KCNIP3: variants seen among roughly 807,000 people sequenced by gnomAD.
The protein encoded by KCNIP3 is calsenilin.
A neutral mutation model predicts 35.0 loss-of-function variants in KCNIP3; 28 were observed. The ratio of observed to expected loss-of-function variants is 0.80; its 90% CI spans 0.59 to 1.10. The LOEUF (loss-of-function observed/expected upper bound fraction) is 1.10. KCNIP3 is among the 50% of genes least tolerant of loss of function. The probability of loss-of-function intolerance (pLI) is 0.00; values close to 1 mark genes in which losing one functional copy is unlikely to be tolerated. For missense variants in KCNIP3, 295 were observed against 338.4 expected (o/e 0.87, Z 1.01); for synonymous variants, 134 against 133.8 (o/e 1.00, Z -0.01).
At chr2:95,341,919 T>C (rs1335606171) in intron 2 of KCNIP3, among the ~76,000 whole-genome samples, 1 of 152,146 alleles carries the variant, frequency 6.6e-6, no homozygotes, top group African/African-American at 2.4e-5. Flanking sequence ...TATGTTCCCA[T>C]TGCAGTAACT....
chr2:95,317,933 C>A (rs79315334), intron 2 of KCNIP3, among the ~76,000 whole-genome samples: 1 of 152,130 alleles, frequency 6.6e-6, no homozygotes, highest in Non-Finnish European at 1.5e-5. Flanking sequence ...CGTCTTCTTC[C>A]GCTTCATCTC....
Position 95,323,129 on chromosome 2 carries a change from C to T in KCNIP3, c.181+12609C>T, listed in dbSNP as rs559802344. 1.2e-3 allele frequency among the ~76,000 whole-genome samples: 181 copies of T among 152,268 alleles called. 3 individuals carry two copies. The highest frequency in any genetic ancestry group is 3.6e-3 in the African/African-American group (151 of 41,568). On this transcript the variant is annotated intron_variant, in intron 2 of 8. Transcript: ENST00000295225. ...AACAGGAACACTATGGGAGGGTCAG[C>T]GGAAGGACGTGATGACTGGCGAGAT...
At position 95,325,904 on chromosome 2, in the gene KCNIP3, TTCAC is replaced by T. The variant is rs759520795; in HGVS notation, c.181+15388_181+15391del. Among the ~76,000 whole-genome samples the T allele has an allele frequency of 1.4e-3, 199 of 139,604 alleles. 1 individual carries two copies. The Middle Eastern group carries it at 0.049, about 34-fold the overall frequency. The allele number at this position is 139,604 out of a possible 152,430, so 91.6% of individuals were successfully genotyped here. A position where few individuals can be genotyped will look rare whatever the true frequency, so the allele number is the denominator to read the frequency against. ...ACATACACACACTCATAGACACACA[TTCAC>T]TCATACACATACACACTCATACACA... On this transcript the variant is annotated intron_variant, in intron 2 of 8. Coordinates refer to ENST00000295225, the MANE Select transcript of KCNIP3 (RefSeq NM_013434.5).
intron 2 of KCNIP3, among the ~76,000 whole-genome samples, chr2:95,338,797 G>T (rs1426074162): frequency 1.3e-5 from 2 of 152,218 alleles, no homozygotes; most frequent in Non-Finnish European, 1.5e-5. Flanking sequence ...TTATCTGTGA[G>T]GTTGATGTGA....
In KCNIP3 at chr2:95,297,407, G is replaced by A; in HGVS notation, c.-32G>A. On this transcript the variant is annotated 5_prime_UTR_variant, in exon 1 of 9. Coordinates refer to ENST00000295225, the MANE Select transcript of KCNIP3 (RefSeq NM_013434.5). The stretch of plus-strand genomic sequence containing the variant: ...TTGTCTGCCTCGGCTGTGAAGTGGG[G>A]AGGCTGGCAACAGTTTTCTTCAGCG... 1 of 1,566,614 alleles carries A rather than the reference G, an allele frequency of 6.4e-7. No individual in the cohort carries two copies. The highest frequency in any genetic ancestry group is 8.6e-7 in the Non-Finnish European group (1 of 1,156,120).
chr2:95,324,155 C>T lies in KCNIP3; in HGVS notation c.181+13635C>T, dbSNP rs570381082. On this transcript the variant is annotated intron_variant, in intron 2 of 8. Coordinates refer to ENST00000295225, the MANE Select transcript of KCNIP3 (RefSeq NM_013434.5). Reference sequence around the variant, plus strand: ...GGGCTGACTTAGTCAGTGAACTAAACGGATTCCCTGACACAGATTCAGGTT... The same window carrying T: ...GGGCTGACTTAGTCAGTGAACTAAATGGATTCCCTGACACAGATTCAGGTT... Among the ~76,000 whole-genome samples the T allele has an allele frequency of 4.6e-5, 7 of 152,352 alleles. No individual in the cohort carries two copies. The East Asian group carries it at 7.7e-4, about 17-fold the overall frequency.
At chr2:95,325,774 T>TAC (rs546954621) in intron 2 of KCNIP3, among the ~76,000 whole-genome samples, 2 of 143,798 alleles carry the variant, frequency 1.4e-5, no homozygotes, top group African/African-American at 5.2e-5. Flanking sequence ...CACACTCATA[T>TAC]ACACACACTC....
At chr2:95,311,433 G>C (rs1206837540) in intron 2 of KCNIP3, 2 of 152,272 alleles carry the variant, frequency 1.3e-5, no homozygotes, top group Non-Finnish European at 2.9e-5. Flanking sequence ...GCTGCATCTT[G>C]TTTGCTCTCT....
At chr2:95,326,924 G>A (rs1400112716) in intron 2 of KCNIP3, among the ~76,000 whole-genome samples, 1 of 152,144 alleles carries the variant, frequency 6.6e-6, no homozygotes, top group Non-Finnish European at 1.5e-5. Flanking sequence ...CCCAGCACCC[G>A]CACCTCATGG....
Position 95,347,948 on chromosome 2 carries a change from C to T in KCNIP3, c.182-26348C>T, listed in dbSNP as rs1679417384. 3.9e-5 allele frequency among the ~76,000 whole-genome samples: 6 copies of T among 152,226 alleles called. 1 individual carries two copies. In the South Asian group the frequency reaches 1.2e-3, roughly 31 times the overall value. Reference sequence around the variant, plus strand: ...GAGAATGAGAGAGAGCGAGCTTGCCCCTGCCTGGGAGCTGCCCAGCAGCCC... The same window carrying T: ...GAGAATGAGAGAGAGCGAGCTTGCCTCTGCCTGGGAGCTGCCCAGCAGCCC... On this transcript the variant is annotated intron_variant, in intron 2 of 8. Coordinates refer to ENST00000295225, the MANE Select transcript of KCNIP3 (RefSeq NM_013434.5).
chr2:95,307,196 C>T (rs1678199308), intron 1 of KCNIP3, among the ~76,000 whole-genome samples: 1 of 152,246 alleles, frequency 6.6e-6, no homozygotes, highest in African/African-American at 2.4e-5. Flanking sequence ...CCCACCACCA[C>T]TCCACCCAGA....
chr2:95,355,241 T>C (rs1272955464), intron 2 of KCNIP3: 5 of 152,100 alleles, frequency 3.3e-5, no homozygotes, highest in African/African-American at 1.2e-4. Flanking sequence ...AAGTCCACAG[T>C]GAGAGGACCC....
At chr2:95,317,728 G>A (rs1312852964) in intron 2 of KCNIP3, among the ~76,000 whole-genome samples, 1 of 152,224 alleles carries the variant, frequency 6.6e-6, no homozygotes, top group South Asian at 2.1e-4. Flanking sequence ...TTGAGTGTCA[G>A]GCTGAGGAGA....
chr2:95,319,950 G>A (rs1678549382), intron 2 of KCNIP3, among the ~76,000 whole-genome samples: 1 of 152,194 alleles, frequency 6.6e-6, no homozygotes, highest in Non-Finnish European at 1.5e-5. Flanking sequence ...GAGGGCAAGA[G>A]CGGCAGGTTT....
In KCNIP3 at chr2:95,384,150, CA is replaced by C. The variant is rs1487474320; in HGVS notation, c.*106del. 5 of 837,574 alleles carry C rather than the reference CA, an allele frequency of 6.0e-6. No individual in the cohort carries two copies. In the African/African-American group the frequency reaches 8.5e-5, roughly 14 times the overall value. 51.9% of individuals were successfully genotyped at this position (837,574 alleles called of 1,614,324 possible). ...AAGAAACTTTTAAAAAATAGATTTG[CA>C]AAAAGTGAACAGATTGCTACACACA... On this transcript the variant is annotated 3_prime_UTR_variant, in exon 9 of 9. Coordinates refer to ENST00000295225, the MANE Select transcript of KCNIP3 (RefSeq NM_013434.5).
At position 95,374,953 on chromosome 2, in the gene KCNIP3, G is replaced by C; in HGVS notation, c.376+36G>C. 1.2e-6 allele frequency: 2 copies of C among 1,607,210 alleles called. 1 individual carries two copies. On this transcript the variant is annotated intron_variant, in intron 4 of 8. Transcript: ENST00000295225. The stretch of plus-strand genomic sequence containing the variant: ...GGCAGGGCAGCCCTGCTGTGTCCCA[G>C]TGTGGAGGGAGGGGACCCTCCTGCT...
At chr2:95,333,318 G>A (rs376891271) in intron 2 of KCNIP3, among the ~76,000 whole-genome samples, 2 of 152,178 alleles carry the variant, frequency 1.3e-5, no homozygotes, top group East Asian at 3.9e-4. Context: ...AGTCGACTTG[G>A]GAAGTATTTG....
chr2:95,363,495 A>T (rs940673133), intron 2 of KCNIP3, among the ~76,000 whole-genome samples: 2 of 152,096 alleles, frequency 1.3e-5, no homozygotes, highest in Non-Finnish European at 2.9e-5. Flanking sequence ...TATTACAATG[A>T]CTATACAACA....
chr2:95,383,891 G>A, intron 8 of KCNIP3, 111 bp from the exon 9 acceptor site: 1 of 927,212 alleles, frequency 1.1e-6, no homozygotes, highest in Non-Finnish European at 1.8e-6. Flanking sequence ...CAATAAGACA[G>A]ACAGACAGGC....
Sources: allele counts gnomAD v4.1 joint callset (sites outside exome capture counted in the v4.1 genomes callset), GRCh38; gene constraint gnomAD v4.1.1; transcripts MANE v1.5; gene names NCBI Gene and HGNC (gene_info 2026-07-23, HGNC 2026-07-21).